The following ZNF112 variants were observed in gnomAD, a reference collection of about 807,000 sequenced individuals.
The protein encoded by ZNF112 is zinc finger protein 112, also known as zinc finger protein 112 (Y14).
In ZNF112, 37 loss-of-function variants were observed where a neutral mutation model predicts 77.7. That is an observed-to-expected ratio of 0.48 (90% CI 0.37 to 0.63). The LOEUF (loss-of-function observed/expected upper bound fraction) is 0.63, where lower values mean the gene tolerates loss of function less well. ZNF112 is among the 20% of genes least tolerant of loss of function. The pLI is 0.00. For missense variants in ZNF112, 950 were observed against 1,077.4 expected, an observed-to-expected ratio of 0.88 and a Z score of 1.66; for synonymous variants, 333 against 363.6, an observed-to-expected ratio of 0.92 and a Z score of 0.96.
intron 2 of ZNF112, among the ~76,000 whole-genome samples, chr19:44,338,824 A>G (rs1970436079): frequency 6.6e-6 from 1 of 152,178 alleles, no homozygotes; most frequent in Non-Finnish European, 1.5e-5. Context: ...GCACTTTGGG[A>G]GGCTGAGGCA....
In ZNF112 at chr19:44,363,143, T is replaced by C. The variant is rs75315648; in HGVS notation, c.17+3938A>G. On this transcript the variant is annotated intron_variant, in intron 1 of 4. Coordinates refer to the ZNF112 transcript ENST00000588057. ...CCCAATCACACATGGCTAATTTTTT[T>C]TTTTTTTTGCAAAGATGGGGTCCCA... 4.4e-4 allele frequency among the ~76,000 whole-genome samples: 59 copies of C among 133,248 alleles called. 2 individuals are homozygous for C. Among genetic ancestry groups the C allele is most frequent in the African/African-American group, 1.7e-3 (54 of 31,270 alleles). 87.4% of individuals were successfully genotyped at this position (133,248 alleles called of 152,430 possible). A position where few individuals can be genotyped will look rare whatever the true frequency, so the allele number is the denominator to read the frequency against.
chr19:44,354,644 C>T (rs1970753182), intron 1 of ZNF112, among the ~76,000 whole-genome samples: 1 of 152,116 alleles, frequency 6.6e-6, no homozygotes, highest in Non-Finnish European at 1.5e-5. Context: ...ATCCTTGATG[C>T]CAGCTGTCTG....
At chr19:44,333,587 C>CA (rs1970309943) in intron 3 of ZNF112, among the ~76,000 whole-genome samples, 1 of 152,150 alleles carries the variant, frequency 6.6e-6, no homozygotes, top group Non-Finnish European at 1.5e-5. Context: ...TGTCTCGTGA[C>CA]AGAGTTCTCA....
At chr19:44,352,130 G>T (rs1005845810) in intron 1 of ZNF112, among the ~76,000 whole-genome samples, 2 of 152,056 alleles carry the variant, frequency 1.3e-5, no homozygotes, top group South Asian at 2.1e-4. Context: ...GTTTCTGGGC[G>T]ATGGAACTGT....
intron 1 of ZNF112, among the ~76,000 whole-genome samples, chr19:44,365,186 T>A (rs1970891578): frequency 6.6e-6 from 1 of 152,052 alleles, no homozygotes; most frequent in South Asian, 2.1e-4. Flanking sequence ...AGGTGCAGTG[T>A]CTCAAGCCTG....
At position 44,327,764 on chromosome 19, in the gene ZNF112, G is replaced by T; in HGVS notation, c.2393C>A (p.Pro798His). The change falls in exon 4 of 4, where the codon CCC (proline) becomes CAC (histidine). Residue 798 changes from proline (P) to histidine (H), a missense_variant. Pro to His is a moderately conservative substitution (Grantham distance 77, BLOSUM62 -2). Coordinates refer to ENST00000354340, the MANE Select transcript of ZNF112 (RefSeq NM_013380.4). ...CTTACCACACTGTTCACATTTATAG[G>T]GTCTCCCTTCCACATGAACCCTTTG... ...AHQRVHVEGRPYKCEQCGKGF... is the reference protein window; with the variant it reads ...AHQRVHVEGRHYKCEQCGKGF... 5.6e-6 allele frequency: 9 copies of T among 1,613,834 alleles called. No homozygotes were observed. Among genetic ancestry groups the T allele is most frequent in the Non-Finnish European group, 6.8e-6 (8 of 1,179,956 alleles).
At chr19:44,335,176 G>A (rs1016550463) in intron 3 of ZNF112, among the ~76,000 whole-genome samples, 5 of 152,230 alleles carry the variant, frequency 3.3e-5, no homozygotes, top group African/African-American at 4.8e-5. Context: ...GATTATTTTC[G>A]AACTCTGAGA....
intron 1 of ZNF112, among the ~76,000 whole-genome samples, chr19:44,340,764 A>T (rs1396232271): frequency 6.6e-6 from 1 of 152,220 alleles, no homozygotes; most frequent in Non-Finnish European, 1.5e-5. Flanking sequence ...CTTATAAGTA[A>T]GCCTCTGGAA....
intron 1 of ZNF112, among the ~76,000 whole-genome samples, chr19:44,362,194 C>T (rs1018813977): frequency 2.6e-5 from 4 of 151,432 alleles, no homozygotes; most frequent in African/African-American, 9.7e-5. Flanking sequence ...TGGGCAAAAT[C>T]TCATATTGGA....
intron 2 of ZNF112, among the ~76,000 whole-genome samples, chr19:44,339,579 AAG>A: frequency 6.6e-6 from 1 of 152,200 alleles, no homozygotes; most frequent in Non-Finnish European, 1.5e-5. Context: ...GGAAGATGAC[AAG>A]TGGAAGCTGA....
rs749386058 is a variant in ZNF112 at position 44,329,513 on chromosome 19, T to C, written c.644A>G (p.Asp215Gly). Residue 215 changes from aspartate (D) to glycine (G), a missense_variant, in exon 4 of 4, where the codon GAT (aspartate) becomes GGT (glycine). Asp to Gly is a moderately conservative substitution (Grantham distance 94, BLOSUM62 -1). Around this residue, in one of 3 missense-constraint regions of ZNF112, gnomAD observed 560 missense variants for 557.3 expected, o/e 1.00. Coordinates refer to ENST00000354340, the MANE Select transcript of ZNF112 (RefSeq NM_013380.4). ...DSVSWLSHHN[D>G]KLEVHRKENY... ...TTCTTTTCTGTGTACTTCCAGTTTA[T>C]CATTGTGATGTGAGAGCCAACTGAC... 8 of 1,614,180 alleles carry C rather than the reference T, an allele frequency of 5.0e-6. No individual in the cohort carries two copies. The Admixed American group carries it at 1.3e-4, about 27-fold the overall frequency.
intron 1 of ZNF112, among the ~76,000 whole-genome samples, chr19:44,364,732 G>A (rs186647716): frequency 5.7e-4 from 86 of 152,206 alleles, no homozygotes; most frequent in Non-Finnish European, 5.9e-5. Context: ...TATTGTATAG[G>A]GATGGAAATA....
rs910531948 is a variant in ZNF112 at position 44,327,307 on chromosome 19, T to C, written c.*126A>G. 1 of 733,010 alleles carries C rather than the reference T, an allele frequency of 1.4e-6. No individual in the cohort carries two copies. The highest frequency in any genetic ancestry group is 2.2e-6 in the Non-Finnish European group (1 of 456,490). The allele number at this position is 733,010 out of a possible 1,614,324, so 45.4% of individuals were successfully genotyped here. On this transcript the variant is annotated 3_prime_UTR_variant, in exon 4 of 4. Coordinates refer to ENST00000354340, the MANE Select transcript of ZNF112 (RefSeq NM_013380.4). ...AACCCCTCTCATTAAATGTCTCTGTTGTGTGGTCTCCTGGCCATTATGAAT... is the reference window on the plus strand; with the variant it reads ...AACCCCTCTCATTAAATGTCTCTGTCGTGTGGTCTCCTGGCCATTATGAAT...
At position 44,340,490 on chromosome 19, in the gene ZNF112, C is replaced by T; in HGVS notation, c.50G>A (p.Gly17Glu). Residue 17 changes from glycine to glutamate, a missense_variant, in exon 2 of 4, where the codon GGG (glycine) becomes GAG (glutamate). Around this residue, in one of 3 missense-constraint regions of ZNF112, gnomAD observed 17 missense variants for 37.3 expected, o/e 0.46. Coordinates refer to ENST00000354340, the MANE Select transcript of ZNF112 (RefSeq NM_013380.4). ...CTTCCTCTGGACAGAGTCCAGCAGC[C>T]CCAGCTCCTCCTCAGTGAAGACCAC... ...VAVVFTEEELGLLDSVQRKLY... is the reference protein window; with the variant it reads ...VAVVFTEEELELLDSVQRKLY... 2.5e-6 allele frequency: 4 copies of T among 1,614,044 alleles called. No homozygotes were observed. Among genetic ancestry groups the T allele is most frequent in the South Asian group, 2.2e-5 (2 of 91,076 alleles).
intron 3 of ZNF112, among the ~76,000 whole-genome samples, chr19:44,335,418 T>A (rs2123158011): frequency 6.6e-6 from 1 of 152,324 alleles, no homozygotes; most frequent in Non-Finnish European, 1.5e-5. Flanking sequence ...GAAAAATTAG[T>A]ATATTAAAAA....
chr19:44,328,966 T>A lies in ZNF112; in HGVS notation c.1191A>T (p.Gln397His). 1 of 1,614,012 alleles carries A rather than the reference T, an allele frequency of 6.2e-7. No homozygotes were observed. Among genetic ancestry groups the A allele is most frequent in the Non-Finnish European group, 8.5e-7 (1 of 1,179,964 alleles). ...ENVFNQSSCL[Q>H]VHQKIHTEEK... ...CTTCAGTGTGGATTTTTTGATGGACTTGAAGACATGAACTCTGATTAAAGA... is the reference window on the plus strand; with the variant it reads ...CTTCAGTGTGGATTTTTTGATGGACATGAAGACATGAACTCTGATTAAAGA... Residue 397 changes from glutamine to histidine, a missense_variant, in exon 4 of 4, where the codon CAA becomes CAT. This residue lies in a region of ZNF112 where 560 missense variants were observed against 557.3 expected (regional missense o/e 1.00). Transcript: ENST00000354340.
chr19:44,343,150 C>T lies in ZNF112; in HGVS notation c.-3-2608G>A. On this transcript the variant is annotated intron_variant, in intron 1 of 3. Transcript: ENST00000354340. ...CCTGATACATAAATGATACTAAATG[C>T]CTGTTGTCATTCTTTACCCTTGGCA... 2.4e-6 allele frequency: 3 copies of T among 1,260,598 alleles called. No individual in the cohort carries two copies. In the South Asian group the frequency reaches 4.5e-5, roughly 19 times the overall value. The allele number at this position is 1,260,598 out of a possible 1,614,324, so 78.1% of individuals were successfully genotyped here.
rs1325030968 is a variant in ZNF112, at chr19:44,329,066, T to C, written c.1091A>G (p.His364Arg). 7.4e-6 allele frequency: 12 copies of C among 1,613,944 alleles called. No individual in the cohort carries two copies. The highest frequency in any genetic ancestry group is 7.6e-6 in the Non-Finnish European group (9 of 1,179,970). The change falls in exon 4 of 4, where the codon CAT becomes CGT. Residue 364 changes from histidine (H) to arginine (R), a missense_variant. His to Arg is a conservative substitution (Grantham distance 29). Transcript: ENST00000354340. ...RHNIYEKAFS[H>R]SLDLNSIFRV... is the part of the protein sequence containing the mutation. Reference sequence around the variant, plus strand: ...AAAAATACTATTAAGGTCTAAGCTATGACTGAAGGCTTTCTCATAAATGTT... The same window carrying C: ...AAAAATACTATTAAGGTCTAAGCTACGACTGAAGGCTTTCTCATAAATGTT...
chr19:44,359,716 CAGT>C (rs1970836237), upstream of ZNF112, among the ~76,000 whole-genome samples: 1 of 152,156 alleles, frequency 6.6e-6, no homozygotes, highest in Non-Finnish European at 1.5e-5. Flanking sequence ...TCTATCTTCT[CAGT>C]GGACCCTAAA....
Sources: gnomAD v4.1 joint callset for allele counts (sites outside exome capture counted in the v4.1 genomes callset) on GRCh38, gnomAD v4.1.1 for gene constraint, gnomAD v4.1.1 regional missense constraint, MANE v1.5 for transcripts, NCBI Gene and HGNC (gene_info 2026-07-23, HGNC 2026-07-21) for gene names.